Variants in EMP1 observed in about 807,000 individuals in gnomAD.
The protein encoded by EMP1 is epithelial membrane protein 1, also known as tumor-associated membrane protein.
In EMP1, 5 loss-of-function variants were observed where a neutral mutation model predicts 15.7. That is an observed-to-expected ratio of 0.32 (90% CI 0.17 to 0.67). The LOEUF (loss-of-function observed/expected upper bound fraction) is 0.67. EMP1 is among the 30% of genes least tolerant of loss of function. The pLI, the probability that EMP1 is intolerant of heterozygous loss-of-function variation, is 0.74. For synonymous variants in EMP1, 78 were observed against 76.7 expected, an observed-to-expected ratio of 1.02 and a Z score of -0.09; for missense variants, 166 against 194.2, an observed-to-expected ratio of 0.85 and a Z score of 0.86.
chr12:13,209,340 A>T (rs995285813), intron 1 of EMP1: 2 of 152,156 alleles, frequency 1.3e-5, no homozygotes, highest in African/African-American at 4.8e-5. Flanking sequence ...GTCTTTCCTG[A>T]GGGTGTGCTC....
chr12:13,198,874 G>C (rs1331774596), intron 1 of EMP1, among the ~76,000 whole-genome samples: 1 of 152,206 alleles, frequency 6.6e-6, no homozygotes, highest in East Asian at 1.9e-4. Flanking sequence ...AAGAAGTAGT[G>C]AAAGAGTCCC....
At chr12:13,213,609 T>C in intron 3 of EMP1, 34 bp downstream of exon 3, 2 of 1,614,050 alleles carry the variant, frequency 1.2e-6, no homozygotes, top group Non-Finnish European at 8.5e-7. Flanking sequence ...GTGCTGACAA[T>C]AGGTGTGGTC....
rs1362008226 is a variant in EMP1 at position 13,211,019 on chromosome 12, G to A, written c.-42-450G>A. Reference sequence around the variant, plus strand: ...TACTTCTATTAAAAGTGCTGGGTGAGCAATTTGATGAAAGCATGGACATTT... The same window carrying A: ...TACTTCTATTAAAAGTGCTGGGTGAACAATTTGATGAAAGCATGGACATTT... On this transcript the variant is annotated intron_variant, in intron 1 of 4. Transcript: ENST00000256951. This position sits in a 1 kb window ranked among gnomAD's most constrained non-coding sequence, Gnocchi z 4.7. 1.3e-5 allele frequency among the ~76,000 whole-genome samples: 2 copies of A among 152,198 alleles called. No homozygotes were observed. The highest frequency in any genetic ancestry group is 2.4e-5 in the African/African-American group (1 of 41,434).
At chr12:13,199,324 G>C (rs1319085565) in intron 1 of EMP1, 1 of 152,430 alleles carries the variant, frequency 6.6e-6, no homozygotes, top group African/African-American at 2.4e-5. Context: ...TGGGCTTCAT[G>C]GAGACCCCTC....
chr12:13,198,677 C>T (rs1438060529), intron 1 of EMP1, among the ~76,000 whole-genome samples: 1 of 152,140 alleles, frequency 6.6e-6, no homozygotes, highest in Non-Finnish European at 1.5e-5. Flanking sequence ...AAACTAATAA[C>T]CAGTCAACAC....
chr12:13,208,715 T>C (rs1864135407), intron 1 of EMP1, among the ~76,000 whole-genome samples: 1 of 152,242 alleles, frequency 6.6e-6, no homozygotes, highest in African/African-American at 2.4e-5. Context: ...GACATTTTGC[T>C]TCTTTCCGTG....
chr12:13,209,879 C>T (rs1286879919), intron 1 of EMP1, among the ~76,000 whole-genome samples: 1 of 152,070 alleles, frequency 6.6e-6, no homozygotes, highest in Non-Finnish European at 1.5e-5. Flanking sequence ...CAACCTCTCC[C>T]CTGAAGAGGC....
At chr12:13,213,047 C>T (rs1350139526) in intron 2 of EMP1, among the ~76,000 whole-genome samples, 18 of 152,136 alleles carry the variant, frequency 1.2e-4, no homozygotes, top group Admixed American at 1.2e-3. Flanking sequence ...TAATTGTTTC[C>T]AGTTGGACAT....
At chr12:13,197,860 T>C (rs1414240491) in intron 1 of EMP1, among the ~76,000 whole-genome samples, 1 of 152,098 alleles carries the variant, frequency 6.6e-6, no homozygotes, top group African/African-American at 2.4e-5. Context: ...GTGTTTTAAA[T>C]GAAACGTGGG....
intron 1 of EMP1, among the ~76,000 whole-genome samples, chr12:13,210,510 G>T (rs529656771): frequency 2.6e-5 from 4 of 152,264 alleles, no homozygotes; most frequent in African/African-American, 9.6e-5. Flanking sequence ...TGTGATTATG[G>T]CTGAAAGCTT....
chr12:13,207,450 A>G (rs1204567507), intron 1 of EMP1, among the ~76,000 whole-genome samples: 1 of 152,192 alleles, frequency 6.6e-6, no homozygotes, highest in Non-Finnish European at 1.5e-5. Flanking sequence ...GAGCACAAAG[A>G]CACCTCTGCT....
chr12:13,205,741 GA>G (rs1278165866), intron 1 of EMP1, among the ~76,000 whole-genome samples: 2 of 152,360 alleles, frequency 1.3e-5, no homozygotes, highest in Non-Finnish European at 2.9e-5. Context: ...GAAGAAGAGA[GA>G]AAAGAAAACT....
chr12:13,214,121 A>G, intron 4 of EMP1: 1 of 611,490 alleles, frequency 1.6e-6, no homozygotes. Flanking sequence ...TCTCAGAAAG[A>G]TGAAACCACT....
intron 1 of EMP1, among the ~76,000 whole-genome samples, chr12:13,198,137 T>C (rs1023743761): frequency 2.6e-5 from 4 of 152,256 alleles, no homozygotes; most frequent in Admixed American, 6.5e-5. Flanking sequence ...TTTCTTTGCA[T>C]GGAAGGCAGT....
rs1864228923 is a variant in EMP1 at position 13,217,916 on chromosome 12, G to A, written c.*3225G>A. 6.6e-6 allele frequency: 1 copy of A among 152,170 alleles called. No individual in the cohort carries two copies. Among genetic ancestry groups the A allele is most frequent in the South Asian group, 2.1e-4 (1 of 4,830 alleles). The allele number at this position is 152,170 out of a possible 1,614,324, so 9.4% of individuals were successfully genotyped here. ...GCAAGGGGTGGGCCAGCAGAGAGCT[G>A]GTGCTACAGTGCGGGTCTGAAAGTT... is the stretch of plus-strand genomic sequence containing the variant. On this transcript the variant is annotated 3_prime_UTR_variant, in exon 5 of 5. Coordinates refer to ENST00000256951, the MANE Select transcript of EMP1 (RefSeq NM_001423.3).
chr12:13,200,206 C>G (rs1427121330), intron 1 of EMP1, among the ~76,000 whole-genome samples: 1 of 152,180 alleles, frequency 6.6e-6, no homozygotes, highest in Non-Finnish European at 1.5e-5. Flanking sequence ...CCCAGTGTTG[C>G]TACCTACTAG....
At chr12:13,213,887 C>A (rs755137293) in intron 4 of EMP1, 66 bp downstream of exon 4, 1 of 1,596,160 alleles carries the variant, frequency 6.3e-7, no homozygotes, top group South Asian at 1.1e-5. Context: ...GTGTTTCTGG[C>A]AACTTGAACA....
intron 1 of EMP1, among the ~76,000 whole-genome samples, chr12:13,203,855 A>G (rs1392660834): frequency 6.6e-6 from 1 of 152,204 alleles, no homozygotes. Flanking sequence ...CAGATTTATT[A>G]TAAGAATCTG....
chr12:13,214,138 A>T (rs1207651285), intron 4 of EMP1: 2 of 608,106 alleles, frequency 3.3e-6, no homozygotes, highest in Non-Finnish European at 5.9e-6. Context: ...CACTGCCACA[A>T]TGCACATCAT....
Sources: allele counts gnomAD v4.1 joint callset (sites outside exome capture counted in the v4.1 genomes callset), GRCh38; gene constraint gnomAD v4.1.1; non-coding constraint Gnocchi (gnomAD v3.1); transcripts MANE v1.5; gene names NCBI Gene and HGNC (gene_info 2026-07-23, HGNC 2026-07-21).